The following KIF16B variants were observed in gnomAD, a reference collection of about 807,000 sequenced individuals.
KIF16B encodes the protein kinesin family member 16B, also known as kinesin-like protein KIF16B.
Under a neutral mutation model 156.3 loss-of-function variants are expected in KIF16B, and 98 were observed. The observed-to-expected ratio is 0.63, with a 90% CI of 0.53 to 0.74. KIF16B has a LOEUF of 0.74. Among genes scored for constraint, KIF16B ranks in the 30% least tolerant of loss-of-function variants. KIF16B has a pLI of 0.00. For synonymous variants in KIF16B, 564 were observed against 583.7 expected (o/e 0.97, Z 0.49); for missense variants, 1,421 against 1,606.5 (o/e 0.88, Z 1.97).
rs12480935 is a variant in KIF16B at position 16,558,008 on chromosome 20, C to T, written c.47+15221G>A. On this transcript the variant is annotated intron_variant, in intron 1 of 25. Coordinates refer to ENST00000354981, the MANE Select transcript of KIF16B (RefSeq NM_024704.5). Reference sequence around the variant, plus strand: ...GCCAAATTTTGATAAGTGCTGTAAACGAGGAAAAATAGAGGGGGGACAGGA... The same window carrying T: ...GCCAAATTTTGATAAGTGCTGTAAATGAGGAAAAATAGAGGGGGGACAGGA... 4.4e-3 allele frequency among the ~76,000 whole-genome samples: 672 copies of T among 151,852 alleles called. 15 individuals carry two copies. The highest frequency in any genetic ancestry group is 0.034 in the Admixed American group (521 of 15,234).
At chr20:16,304,287 C>T (rs1023682740) in intron 25 of KIF16B, among the ~76,000 whole-genome samples, 1 of 152,196 alleles carries the variant, frequency 6.6e-6, no homozygotes, top group African/African-American at 2.4e-5. Context: ...TGGAGACTCT[C>T]GCTCATTGGT....
chr20:16,571,733 C>A (rs1298565151), intron 1 of KIF16B, among the ~76,000 whole-genome samples: 2 of 151,904 alleles, frequency 1.3e-5, no homozygotes, highest in African/African-American at 4.8e-5. Context: ...GGGTTCACAC[C>A]ATTCTCCTGC....
chr20:16,374,426 C>T lies in KIF16B; in HGVS notation c.3198-17G>A. 1 of 1,504,134 alleles carries T rather than the reference C, an allele frequency of 6.6e-7. No individual in the cohort carries two copies. The highest frequency in any genetic ancestry group is 1.4e-5 in the South Asian group (1 of 71,556). 93.2% of individuals were successfully genotyped at this position (1,504,134 alleles called of 1,614,324 possible). The stretch of plus-strand genomic sequence containing the variant: ...TATTCTAACCTACACAGATAGGAGC[C>T]ACATAATTCATTCATTAATAGTATT... On this transcript the variant is annotated splice_polypyrimidine_tract_variant and intron_variant, in intron 19 of 25. Transcript: ENST00000354981.
intron 12 of KIF16B, among the ~76,000 whole-genome samples, chr20:16,488,572 T>C (rs1232428128): frequency 6.6e-6 from 1 of 151,996 alleles, no homozygotes; most frequent in Non-Finnish European, 1.5e-5. Flanking sequence ...TCATTAGCAA[T>C]AAAACATAGG....
chr20:16,465,491 C>T (rs370299592), intron 12 of KIF16B, among the ~76,000 whole-genome samples: 1 of 152,280 alleles, frequency 6.6e-6, no homozygotes, highest in South Asian at 2.1e-4. Flanking sequence ...ATCCTTATTT[C>T]AATTCATTTT....
At position 16,573,241 on chromosome 20, in the gene KIF16B, G is replaced by C; in HGVS notation, c.35C>G (p.Pro12Arg). The C allele has an allele frequency of 6.2e-7, 1 of 1,601,922 alleles. No homozygotes were observed. Among genetic ancestry groups the C allele is most frequent in the Non-Finnish European group, 8.5e-7 (1 of 1,175,436 alleles). ...ASVKVAVRVR[P>R]MNRREKDLEA... ...CGGCCCCACTCACCTGCGATTCATG[G>C]GCCGGACCCTCACGGCCACCTTGAC... The change falls in exon 1 of 26, where the codon CCC (proline) becomes CGC (arginine). Residue 12 changes from proline (P) to arginine (R), a missense_variant. Transcript: ENST00000354981.
intron 1 of KIF16B, among the ~76,000 whole-genome samples, chr20:16,532,392 T>C (rs114106623): frequency 0.017 from 2,518 of 152,228 alleles, 64 homozygotes; most frequent in African/African-American, 0.057. Flanking sequence ...CTACAGCAGA[T>C]TCCCAGGGCC....
chr20:16,464,647 G>A (rs1568564803), intron 12 of KIF16B, among the ~76,000 whole-genome samples: 1 of 152,084 alleles, frequency 6.6e-6, no homozygotes, highest in Non-Finnish European at 1.5e-5. Flanking sequence ...GAAGTGTGAA[G>A]GCCCCTGCCC....
intron 1 of KIF16B, among the ~76,000 whole-genome samples, chr20:16,568,457 C>T (rs756680322): frequency 6.6e-6 from 1 of 152,114 alleles, no homozygotes; most frequent in Non-Finnish European, 1.5e-5. Context: ...TGCTGAATGC[C>T]AGGCTCTGTG....
chr20:16,481,755 C>A (rs2067989937), intron 12 of KIF16B, among the ~76,000 whole-genome samples: 1 of 152,160 alleles, frequency 6.6e-6, no homozygotes, highest in Non-Finnish European at 1.5e-5. Flanking sequence ...TATTTGGAAC[C>A]AACTCCTCTC....
intron 17 of KIF16B, among the ~76,000 whole-genome samples, chr20:16,385,689 T>A (rs1568921313): frequency 6.6e-6 from 1 of 151,796 alleles, no homozygotes; most frequent in Non-Finnish European, 1.5e-5. Flanking sequence ...AGAAGAGCAG[T>A]GGGGAAGGAG....
At position 16,273,039 on chromosome 20, in the gene KIF16B, G is replaced by A. The variant is rs1050998442; in HGVS notation, c.*214C>T. ...CGTTCAACCGCAATGGAACGGTAAC[G>A]GCTGCCTGTCAGGGCCACATCAGCA... On this transcript the variant is annotated 3_prime_UTR_variant, in exon 26 of 26. Transcript: ENST00000354981. 3.7e-6 allele frequency: 2 copies of A among 545,376 alleles called. No homozygotes were observed. The highest frequency in any genetic ancestry group is 2.2e-5 in the South Asian group (1 of 44,722). The allele number at this position is 545,376 out of a possible 1,614,324, so 33.8% of individuals were successfully genotyped here.
intron 12 of KIF16B, among the ~76,000 whole-genome samples, chr20:16,483,904 T>C (rs2068046070): frequency 1.3e-5 from 2 of 152,134 alleles, no homozygotes; most frequent in African/African-American, 4.8e-5. Flanking sequence ...AACAATCAAC[T>C]TATCTATGTC....
chr20:16,282,931 A>C (rs1387312678), intron 25 of KIF16B, among the ~76,000 whole-genome samples: 1 of 152,142 alleles, frequency 6.6e-6, no homozygotes, highest in East Asian at 1.9e-4. Context: ...ACGAGTCTCC[A>C]AATGTTAATC....
rs925236661 is a variant in KIF16B at position 16,379,626 on chromosome 20, C to G, written c.2376G>C (p.Arg792Ser). 2 of 1,614,088 alleles carry G rather than the reference C, an allele frequency of 1.2e-6. No individual in the cohort carries two copies. The highest frequency in any genetic ancestry group is 1.7e-6 in the Non-Finnish European group (2 of 1,180,004). The change falls in exon 19 of 26, where the codon AGG becomes AGC. Residue 792 changes from arginine to serine, a missense_variant. Transcript: ENST00000354981. ...GEVQWVEEEK[R>S]DLEGIRESLL... The stretch of plus-strand genomic sequence containing the variant: ...GGGATTCCCGAATGCCTTCCAGGTC[C>G]CTCTTCTCCTCTTCCACCCACTGTA...
At chr20:16,556,264 C>A (rs1238898287) in intron 1 of KIF16B, among the ~76,000 whole-genome samples, 2 of 152,190 alleles carry the variant, frequency 1.3e-5, no homozygotes, top group Non-Finnish European at 2.9e-5. Flanking sequence ...AACAGCACAA[C>A]CAGGTGGTAT....
At chr20:16,372,608 T>C (rs2064848837) in intron 20 of KIF16B, among the ~76,000 whole-genome samples, 1 of 152,230 alleles carries the variant, frequency 6.6e-6, no homozygotes, top group Non-Finnish European at 1.5e-5. Flanking sequence ...TTTATCTTCA[T>C]CGAAAATCTT....
At chr20:16,338,318 C>T (rs1429380094) in intron 23 of KIF16B, among the ~76,000 whole-genome samples, 1 of 152,182 alleles carries the variant, frequency 6.6e-6, no homozygotes, top group Non-Finnish European at 1.5e-5. Context: ...TGTATCCTCT[C>T]TGAACTCTCT....
intron 17 of KIF16B, among the ~76,000 whole-genome samples, chr20:16,401,404 A>G (rs985795835): frequency 6.6e-6 from 1 of 152,224 alleles, no homozygotes; most frequent in African/African-American, 2.4e-5. Flanking sequence ...GGGATTAGGC[A>G]GACAGATTAG....
Sources: allele counts gnomAD v4.1 joint callset (sites outside exome capture counted in the v4.1 genomes callset), GRCh38; gene constraint gnomAD v4.1.1; transcripts MANE v1.5; gene names NCBI Gene and HGNC (gene_info 2026-07-23, HGNC 2026-07-21).